PDS5B: variants seen among roughly 807,000 people sequenced by gnomAD.
PDS5B encodes the protein sister chromatid cohesion protein PDS5 homolog B.
Under a neutral mutation model 184.1 loss-of-function variants are expected in PDS5B, and 51 were observed. The observed-to-expected ratio is 0.28, with a 90% confidence interval of 0.22 to 0.35. PDS5B has a LOEUF of 0.35. Ranked by LOEUF, PDS5B falls within the 10% of genes least tolerant of loss-of-function variation. The pLI, the probability that PDS5B is intolerant of heterozygous loss-of-function variation, is 1.00. For missense variants in PDS5B, 1,180 were observed against 1,723.3 expected, an observed-to-expected ratio of 0.68 and a Z score of 5.58; for synonymous variants, 566 against 569.2, an observed-to-expected ratio of 0.99 and a Z score of 0.08.
chr13:32,683,315 A>ATGT (rs777838334), intron 10 of PDS5B, among the ~76,000 whole-genome samples: 7 of 119,906 alleles, frequency 5.8e-5, no homozygotes, highest in Middle Eastern at 0.011. Flanking sequence ...GGCCTTTAAA[A>ATGT]TTTTTTTTTT....
At chr13:32,696,560 A>AG (rs1951710508) in intron 14 of PDS5B, among the ~76,000 whole-genome samples, 2 of 151,808 alleles carry the variant, frequency 1.3e-5, no homozygotes, top group Admixed American at 6.6e-5. Context: ...AAAAAAAAAA[A>AG]CAAAACCCCA....
chr13:32,600,493 C>T (rs1024564188), intron 1 of PDS5B, among the ~76,000 whole-genome samples: 3 of 152,180 alleles, frequency 2.0e-5, no homozygotes, highest in African/African-American at 4.8e-5. Context: ...AATCCCAGCA[C>T]TTTGGATGGC....
chr13:32,679,423 G>T (rs1197366147), intron 10 of PDS5B, among the ~76,000 whole-genome samples: 3 of 152,132 alleles, frequency 2.0e-5, no homozygotes, highest in Non-Finnish European at 4.4e-5. Context: ...CAGATCACCT[G>T]AGGTCAGGAG....
At chr13:32,669,408 T>C (rs1950878068) in intron 7 of PDS5B, among the ~76,000 whole-genome samples, 1 of 152,064 alleles carries the variant, frequency 6.6e-6, no homozygotes, top group Admixed American at 6.6e-5. Context: ...AAATCAATAT[T>C]TGATTGGGGC....
At position 32,775,062 on chromosome 13, in the gene PDS5B, A is replaced by G. The variant is rs1209137019; in HGVS notation, c.*10A>G. On this transcript the variant is annotated 3_prime_UTR_variant, in exon 35 of 35. Transcript: ENST00000315596. Reference sequence around the variant, plus strand: ...AAGGGAACGGCGATGAACAAATGTAATTAATAACTTTCTCTGTGAAAGCTT... The same window carrying G: ...AAGGGAACGGCGATGAACAAATGTAGTTAATAACTTTCTCTGTGAAAGCTT... 3 of 1,596,926 alleles carry G rather than the reference A, an allele frequency of 1.9e-6. No individual in the cohort carries two copies. The Admixed American group carries it at 5.0e-5, about 27-fold the overall frequency.
intron 8 of PDS5B, among the ~76,000 whole-genome samples, chr13:32,674,002 A>G (rs946172515): frequency 6.6e-6 from 1 of 151,814 alleles, no homozygotes; most frequent in Non-Finnish European, 1.5e-5. Context: ...TTTGGTAGAG[A>G]CAGGGTTTCA....
intron 19 of PDS5B, among the ~76,000 whole-genome samples, chr13:32,715,624 GCTCTCC>G (rs200899146): frequency 2.6e-5 from 4 of 151,410 alleles, no homozygotes; most frequent in African/African-American, 7.3e-5. Context: ...CACCAGTGTA[GCTCTCC>G]CTCTCCCTCT....
intron 1 of PDS5B, among the ~76,000 whole-genome samples, chr13:32,591,445 C>T (rs758936520): frequency 3.9e-5 from 6 of 152,114 alleles, no homozygotes; most frequent in Non-Finnish European, 8.8e-5. Context: ...CTGTGATTTA[C>T]TTTTTTCCTT....
At chr13:32,607,507 A>G (rs891614643) in intron 1 of PDS5B, among the ~76,000 whole-genome samples, 1 of 152,252 alleles carries the variant, frequency 6.6e-6, no homozygotes, top group Non-Finnish European at 1.5e-5. Flanking sequence ...CTCGGGGGTC[A>G]GGGACCCACT....
At position 32,699,387 on chromosome 13, in the gene PDS5B, A is replaced by G. The variant is rs567235658; in HGVS notation, c.1601-343A>G. 7.9e-5 allele frequency among the ~76,000 whole-genome samples: 12 copies of G among 152,304 alleles called. No individual in the cohort carries two copies. In the East Asian group the frequency reaches 2.3e-3, roughly 29 times the overall value. On this transcript the variant is annotated intron_variant, in intron 15 of 34. Transcript: ENST00000315596. ...AGTGATTAATCTCTTAAATTATAAG[A>G]GAGCAATGTATGCAACAAGCTCAAG... is the stretch of plus-strand genomic sequence containing the variant.
intron 1 of PDS5B, among the ~76,000 whole-genome samples, chr13:32,595,013 A>G (rs951351341): frequency 1.3e-5 from 2 of 152,180 alleles, no homozygotes; most frequent in Non-Finnish European, 1.5e-5. Flanking sequence ...AGTAACAACT[A>G]TGTCCCCTGA....
intron 19 of PDS5B, among the ~76,000 whole-genome samples, chr13:32,716,298 C>T (rs957941411): frequency 8.6e-5 from 13 of 151,674 alleles, no homozygotes; most frequent in East Asian, 1.9e-4. Flanking sequence ...ATGTGGGGAG[C>T]GCCTCTGCCC....
At chr13:32,720,412 A>G (rs976802283) in intron 19 of PDS5B, among the ~76,000 whole-genome samples, 16 of 152,126 alleles carry the variant, frequency 1.1e-4, no homozygotes, top group African/African-American at 2.9e-4. Context: ...AACTTATCCC[A>G]GAGATAATTA....
chr13:32,645,787 A>G (rs1294347556), intron 1 of PDS5B, among the ~76,000 whole-genome samples: 1 of 152,234 alleles, frequency 6.6e-6, no homozygotes, highest in African/African-American at 2.4e-5. Flanking sequence ...ACTTCACACA[A>G]AGTGAAAATA....
chr13:32,741,046 C>T (rs1172087146), intron 21 of PDS5B, 34 bp from the exon 22 acceptor site: 4 of 573,646 alleles, frequency 7.0e-6, no homozygotes, highest in Admixed American at 3.7e-5. Context: ...ATTTTAAAGT[C>T]CCTGGTTTTT....
At chr13:32,632,116 G>A (rs558274618) in intron 1 of PDS5B, among the ~76,000 whole-genome samples, 43 of 152,072 alleles carry the variant, frequency 2.8e-4, no homozygotes, top group Non-Finnish European at 2.6e-4. Context: ...ACTTTTAGAA[G>A]AAAATATGGG....
chr13:32,644,790 A>G (rs1950178695), intron 1 of PDS5B, among the ~76,000 whole-genome samples: 1 of 152,110 alleles, frequency 6.6e-6, no homozygotes, highest in African/African-American at 2.4e-5. Flanking sequence ...GAATTTACCA[A>G]ATTTTTCTTA....
At chr13:32,722,408 C>T (rs1952749172) in intron 19 of PDS5B, among the ~76,000 whole-genome samples, 1 of 152,164 alleles carries the variant, frequency 6.6e-6, no homozygotes, top group African/African-American at 2.4e-5. Flanking sequence ...CATATTTTTT[C>T]AGTACCTTTT....
At chr13:32,659,636 G>A (rs1950594901) in intron 6 of PDS5B, among the ~76,000 whole-genome samples, 1 of 152,132 alleles carries the variant, frequency 6.6e-6, no homozygotes, top group South Asian at 2.1e-4. Flanking sequence ...TAGATAGAGA[G>A]GACTGGTGAA....
Sources: gnomAD v4.1 joint callset for allele counts (sites outside exome capture counted in the v4.1 genomes callset) on GRCh38, gnomAD v4.1.1 for gene constraint, MANE v1.5 for transcripts, NCBI Gene and HGNC (gene_info 2026-07-23, HGNC 2026-07-21) for gene names.